Variants in COL14A1 observed in about 807,000 individuals in gnomAD.
COL14A1 encodes collagen type XIV alpha 1 chain, also known as collagen alpha-1(XIV) chain.
COL14A1 carries 136 observed loss-of-function variants against 230.3 expected under a neutral mutation model. The ratio of observed to expected loss-of-function variants is 0.59; its 90% confidence interval spans 0.51 to 0.68. COL14A1 has a LOEUF of 0.68. Ranked by LOEUF, COL14A1 falls within the 30% of genes least tolerant of loss-of-function variation. The probability of loss-of-function intolerance (pLI) is 0.00; values close to 1 mark genes in which losing one functional copy is unlikely to be tolerated. For missense variants in COL14A1, 1,976 were observed against 2,215.8 expected, an observed-to-expected ratio of 0.89 and a Z score of 2.17; for synonymous variants, 792 against 784.1, an observed-to-expected ratio of 1.01 and a Z score of -0.17.
intron 40 of COL14A1, among the ~76,000 whole-genome samples, chr8:120,329,137 T>A (rs1488830175): frequency 6.6e-6 from 1 of 152,244 alleles, no homozygotes; most frequent in African/African-American, 2.4e-5. Context: ...TATAAACTTA[T>A]AAACTTATTT....
chr8:120,354,861 G>A (rs950983285), intron 45 of COL14A1, among the ~76,000 whole-genome samples: 1 of 152,106 alleles, frequency 6.6e-6, no homozygotes. Flanking sequence ...TAAGCAGCCC[G>A]ATTTCTCACC....
chr8:120,342,498 A>C, intron 44 of COL14A1, 52 bp downstream of exon 44: 1 of 1,540,738 alleles, frequency 6.5e-7, no homozygotes, highest in East Asian at 2.2e-5. Context: ...CTCTCATCCA[A>C]AAGAGAGTTT....
intron 45 of COL14A1, among the ~76,000 whole-genome samples, chr8:120,347,142 T>C (rs1440182779): frequency 2.0e-5 from 3 of 152,134 alleles, no homozygotes; most frequent in Non-Finnish European, 4.4e-5. Context: ...TTTGTTCTTT[T>C]TGGAAGTCTT....
At chr8:120,142,573 T>C (rs1041615578) in intron 1 of COL14A1, among the ~76,000 whole-genome samples, 1 of 152,236 alleles carries the variant, frequency 6.6e-6, no homozygotes, top group Admixed American at 6.5e-5. Flanking sequence ...GTACACTGAA[T>C]GTATTGCCTA....
chr8:120,369,616 A>C (rs1429087320), intron 47 of COL14A1, 131 bp downstream of exon 47: 1 of 866,770 alleles, frequency 1.2e-6, no homozygotes, highest in African/African-American at 1.7e-5. Context: ...TGAATGCCTC[A>C]CTTCCTTAAA....
In COL14A1 at chr8:120,274,232, A is replaced by G. The variant is rs74409083; in HGVS notation, c.3214-3879A>G. Among the ~76,000 whole-genome samples, 1,102 of 151,954 alleles carry G rather than the reference A, an allele frequency of 7.3e-3. 13 individuals carry two copies. The highest frequency in any genetic ancestry group is 0.026 in the African/African-American group (1,059 of 41,512). ...AAACAGAATTAATAACAAAAACCAT[A>G]TGTTCATCTCATAGATGCAGAAAGC... is the stretch of plus-strand genomic sequence containing the variant. On this transcript the variant is annotated intron_variant, in intron 26 of 47. Transcript: ENST00000297848.
chr8:120,266,662 A>G (rs141832060), intron 24 of COL14A1, among the ~76,000 whole-genome samples, 165 bp from the exon 25 acceptor site: 1 of 152,130 alleles, frequency 6.6e-6, no homozygotes, highest in East Asian at 1.9e-4. Context: ...CGATGGATGG[A>G]GTCAGTTTTC....
intron 4 of COL14A1, among the ~76,000 whole-genome samples, chr8:120,164,171 T>A (rs1402118644): frequency 6.6e-6 from 1 of 152,236 alleles, no homozygotes; most frequent in East Asian, 1.9e-4. Context: ...AACCCCTAAG[T>A]AGCCATCATC....
At chr8:120,345,618 A>G in intron 45 of COL14A1, 55 bp downstream of exon 45, 1 of 1,364,748 alleles carries the variant, frequency 7.3e-7, no homozygotes, top group South Asian at 1.7e-5. Context: ...GCAGGGAAGC[A>G]GAACATTATA....
chr8:120,222,707 C>G (rs1292978994), intron 14 of COL14A1, among the ~76,000 whole-genome samples: 1 of 152,008 alleles, frequency 6.6e-6, no homozygotes, highest in East Asian at 1.9e-4. Context: ...CCTTTCTCAC[C>G]TCTTTTAAGA....
chr8:120,359,864 C>A (rs949931641), intron 45 of COL14A1, among the ~76,000 whole-genome samples: 11 of 152,112 alleles, frequency 7.2e-5, no homozygotes, highest in African/African-American at 2.4e-4. Context: ...CTTTGCACCT[C>A]ATCTTCTCTC....
rs751900252 is a variant in COL14A1, at chr8:120,313,923, G to A, written c.4456-9G>A. ...ACTTTTAGGATGATACTTCTCTCTT[G>A]CCTTCCAGGGACCAGATGGCCCTCG... On this transcript the variant is annotated splice_polypyrimidine_tract_variant and intron_variant, in intron 37 of 47. Coordinates refer to ENST00000297848, the MANE Select transcript of COL14A1 (RefSeq NM_021110.4). 4 of 1,597,912 alleles carry A rather than the reference G, an allele frequency of 2.5e-6. No individual in the cohort carries two copies. In the South Asian group the frequency reaches 4.5e-5, roughly 18 times the overall value.
chr8:120,245,584 A>T (rs1818736838), intron 20 of COL14A1, among the ~76,000 whole-genome samples: 1 of 152,118 alleles, frequency 6.6e-6, no homozygotes, highest in Non-Finnish European at 1.5e-5. Flanking sequence ...ATCATATCTC[A>T]CAATTGTTTG....
intron 14 of COL14A1, among the ~76,000 whole-genome samples, chr8:120,224,309 G>C (rs778833963): frequency 6.6e-6 from 1 of 152,098 alleles, no homozygotes; most frequent in Non-Finnish European, 1.5e-5. Context: ...TTGCAGGCGT[G>C]TAATCGTGTA....
chr8:120,219,379 T>C (rs12543412), intron 14 of COL14A1, among the ~76,000 whole-genome samples: 78,510 of 152,088 alleles, frequency 0.52, 20,664 homozygotes, highest in East Asian at 0.64. Context: ...GCTGGAATTA[T>C]AGGAGTGAGG....
At chr8:120,190,623 C>G (rs1349812137) in intron 5 of COL14A1, among the ~76,000 whole-genome samples, 1 of 152,196 alleles carries the variant, frequency 6.6e-6, no homozygotes, top group African/African-American at 2.4e-5. Flanking sequence ...GTAGAATTGC[C>G]AGCTCCTCTT....
intron 23 of COL14A1, among the ~76,000 whole-genome samples, chr8:120,255,805 T>C (rs1819131336): frequency 6.6e-6 from 1 of 151,778 alleles, no homozygotes; most frequent in African/African-American, 2.4e-5. Flanking sequence ...CTTTTGGGGA[T>C]AATTGGTGAA....
chr8:120,182,726 G>GGTTTTTTTTTTTTTTTTT (rs1554603200), intron 5 of COL14A1, among the ~76,000 whole-genome samples: 2 of 129,014 alleles, frequency 1.6e-5, no homozygotes, highest in Non-Finnish European at 3.3e-5. Context: ...ATTTTTCTTC[G>GGTTTTTTTTTTTTTTTTT]TTTTTTTTTT....
rs1338991527 is a variant in COL14A1, at chr8:120,228,712, G to C, written c.2140G>C (p.Asp714His). ...EVVTAVGTTL[D>H]SFWTEPATTI... Reference sequence around the variant, plus strand: ...TTAAAGTAATATATTGCTTTTAGTTGACAGTTTTTGGACAGAACCAGCTAC... The same window carrying C: ...TTAAAGTAATATATTGCTTTTAGTTCACAGTTTTTGGACAGAACCAGCTAC... Residue 714 changes from aspartate to histidine, a missense_variant and splice_region_variant, in exon 18 of 48, where the codon GAC becomes CAC. This residue lies in a region of COL14A1 where 1,791 missense variants were observed against 2,019.5 expected (regional missense o/e 0.89). Transcript: ENST00000297848. The C allele has an allele frequency of 6.2e-7, 1 of 1,613,354 alleles. No individual in the cohort carries two copies. Among genetic ancestry groups the C allele is most frequent in the African/African-American group, 1.3e-5 (1 of 75,004 alleles).
Sources: gnomAD v4.1 joint callset for allele counts (sites outside exome capture counted in the v4.1 genomes callset) on GRCh38, gnomAD v4.1.1 for gene constraint, gnomAD v4.1.1 regional missense constraint, MANE v1.5 for transcripts, NCBI Gene and HGNC (gene_info 2026-07-23, HGNC 2026-07-21) for gene names.